The following RAPGEF5 variants were observed in gnomAD, a reference collection of about 807,000 sequenced individuals.
RAPGEF5 encodes M-Ras-regulated GEF.
RAPGEF5 carries 65 observed loss-of-function variants against 125.2 expected under a neutral mutation model. The ratio of observed to expected loss-of-function variants is 0.52; its 90% confidence interval spans 0.43 to 0.64. The LOEUF (loss-of-function observed/expected upper bound fraction) is 0.64, where lower values mean the gene tolerates loss of function less well. Among genes scored for constraint, RAPGEF5 ranks in the 30% least tolerant of loss-of-function variants. RAPGEF5 has a pLI of 0.00. For missense variants in RAPGEF5, 958 were observed against 1,048.1 expected (o/e 0.91, Z 1.19); for synonymous variants, 391 against 385.9 (o/e 1.01, Z -0.16).
chr7:22,136,206 A>G, intron 22 of RAPGEF5, 81 bp from the exon 23 acceptor site: 1 of 1,049,694 alleles, frequency 9.5e-7, no homozygotes, highest in Non-Finnish European at 1.4e-6. Context: ...TTGCTACACA[A>G]TTTGAACATA....
Position 22,200,199 on chromosome 7 carries a change from T to C in RAPGEF5, c.997-6166A>G, listed in dbSNP as rs77043461. Reference sequence around the variant, plus strand: ...GGGTACAGCAGAATTATAAGACTTATCTGAAAAAAAAAATCTCCTCTGGCC... The same window carrying C: ...GGGTACAGCAGAATTATAAGACTTACCTGAAAAAAAAAATCTCCTCTGGCC... On this transcript the variant is annotated intron_variant, in intron 9 of 25. Transcript: ENST00000665637. 8.0e-4 allele frequency among the ~76,000 whole-genome samples: 122 copies of C among 151,704 alleles called. 2 individuals are homozygous for C. In the East Asian group the frequency reaches 0.023, roughly 28 times the overall value.
rs1022892360 is a variant in RAPGEF5, at chr7:22,166,961, C to T, written c.1283+109G>A. 141 of 835,634 alleles carry T rather than the reference C, an allele frequency of 1.7e-4. No individual in the cohort carries two copies. In the African/African-American group the frequency reaches 2.1e-3, roughly 12 times the overall value. The allele number at this position is 835,634 out of a possible 1,614,324, so 51.8% of individuals were successfully genotyped here. ...ATCATTACATTAATATTTAACATATCCACATTCTACTATGGGGTTGAATAA... is the reference window on the plus strand; with the variant it reads ...ATCATTACATTAATATTTAACATATTCACATTCTACTATGGGGTTGAATAA... On this transcript the variant is annotated intron_variant, in intron 12 of 25. Transcript: ENST00000665637.
chr7:22,160,058 G>A (rs375346417), intron 14 of RAPGEF5, among the ~76,000 whole-genome samples: 2 of 152,140 alleles, frequency 1.3e-5, no homozygotes, highest in East Asian at 1.9e-4. Flanking sequence ...GCAGTGAGCC[G>A]AGATTGCGCT....
intron 9 of RAPGEF5, among the ~76,000 whole-genome samples, chr7:22,197,893 T>TTGG (rs139871450): frequency 4.3e-5 from 5 of 116,352 alleles, no homozygotes; most frequent in Admixed American, 8.5e-5. Context: ...TCTTTTTTTT[T>TTGG]GGGGGGGGGT....
At chr7:22,346,766 C>T (rs1464772940) in intron 1 of RAPGEF5, among the ~76,000 whole-genome samples, 1 of 152,146 alleles carries the variant, frequency 6.6e-6, no homozygotes, top group African/African-American at 2.4e-5. Context: ...AGAATTGTAA[C>T]TTTAGTAAAG....
chr7:22,345,579 T>C (rs1394394625), intron 1 of RAPGEF5, among the ~76,000 whole-genome samples: 1 of 152,126 alleles, frequency 6.6e-6, no homozygotes, highest in Non-Finnish European at 1.5e-5. Flanking sequence ...GAAAGCGCTT[T>C]GTGAAGGTAA....
At chr7:22,317,514 A>G (rs929901518) in intron 2 of RAPGEF5, among the ~76,000 whole-genome samples, 3 of 152,132 alleles carry the variant, frequency 2.0e-5, no homozygotes, top group African/African-American at 7.2e-5. Flanking sequence ...TGCAGGGATT[A>G]CAGGCGTGAG....
Position 22,136,075 on chromosome 7 carries a change from C to T in RAPGEF5, c.2379G>A (p.Lys793=). The T allele has an allele frequency of 1.2e-6, 2 of 1,612,564 alleles. No individual in the cohort carries two copies. Among genetic ancestry groups the T allele is most frequent in the African/African-American group, 1.3e-5 (1 of 74,956 alleles). The change falls in exon 23 of 26, where the codon AAG becomes AAA. Residue 793 remains lysine (K), a synonymous_variant. Coordinates refer to ENST00000665637, the MANE Select transcript of RAPGEF5 (RefSeq NM_012294.5). ...KAYRDAFKKM[K]PPKIPFMPLL... is the part of the protein sequence containing the mutation. ...AGGGCATGAAAGGGATTTTTGGTGG[C>T]TTCATCTTTTTGAATGCATCTCTGT...
At position 22,173,451 on chromosome 7, in the gene RAPGEF5, T is replaced by C. The variant is rs73079692; in HGVS notation, c.1205-6303A>G. 9.6e-3 allele frequency among the ~76,000 whole-genome samples: 1,455 copies of C among 152,344 alleles called. 10 individuals carry two copies. The highest frequency in any genetic ancestry group is 0.015 in the Non-Finnish European group (1,040 of 68,028). ...ATAACCAAATCTTGAGATCTAGCTT[T>C]ATTTTTAGGTATTTGTGGCAGAAAA... is the stretch of plus-strand genomic sequence containing the variant. On this transcript the variant is annotated intron_variant, in intron 11 of 25. Coordinates refer to ENST00000665637, the MANE Select transcript of RAPGEF5 (RefSeq NM_012294.5).
chr7:22,301,814 T>A (rs1403535528), intron 5 of RAPGEF5, among the ~76,000 whole-genome samples: 1 of 152,156 alleles, frequency 6.6e-6, no homozygotes, highest in Non-Finnish European at 1.5e-5. Flanking sequence ...AATTTAGAAA[T>A]GAACTGTATG....
intron 11 of RAPGEF5, among the ~76,000 whole-genome samples, chr7:22,176,514 G>T (rs949166659): frequency 6.6e-6 from 1 of 152,030 alleles, no homozygotes; most frequent in East Asian, 1.9e-4. Context: ...CACAATTAAG[G>T]CTTTTTGTTT....
rs1157998194 is a variant in RAPGEF5, at chr7:22,315,318, G to T, written c.389+52C>A. ...AAGGTTACAATTTTAACACAGGGTG[G>T]TTTTTTTTCCTCAAAGAGAATTTCT... On this transcript the variant is annotated intron_variant, in intron 3 of 25. Transcript: ENST00000665637. The T allele has an allele frequency of 2.3e-5, 35 of 1,515,244 alleles. No homozygotes were observed. In the South Asian group the frequency reaches 3.2e-4, roughly 14 times the overall value. 93.9% of individuals were successfully genotyped at this position (1,515,244 alleles called of 1,614,324 possible).
intron 11 of RAPGEF5, among the ~76,000 whole-genome samples, chr7:22,168,151 C>T (rs1360390095): frequency 6.6e-6 from 1 of 152,096 alleles, no homozygotes; most frequent in Non-Finnish European, 1.5e-5. Flanking sequence ...CCACCCCTGC[C>T]ACTTTATATG....
intron 6 of RAPGEF5, among the ~76,000 whole-genome samples, chr7:22,284,232 G>T (rs1782745517): frequency 6.6e-6 from 1 of 152,090 alleles, no homozygotes; most frequent in Non-Finnish European, 1.5e-5. Flanking sequence ...GGTATTGACA[G>T]GTATAGGTTT....
rs1188110376 is a variant in RAPGEF5 at position 22,302,083 on chromosome 7, GT to G, written c.680+6255del. 5.3e-5 allele frequency among the ~76,000 whole-genome samples: 8 copies of G among 152,314 alleles called. No homozygotes were observed. In the East Asian group the frequency reaches 1.4e-3, roughly 26 times the overall value. On this transcript the variant is annotated intron_variant, in intron 5 of 25. Transcript: ENST00000665637. ...CTCCACAGAGTGCTGGTGACAAGTG[GT>G]TGTCTTTTCCCAGACCCTCTGCTCC...
In RAPGEF5 at chr7:22,279,674, G is replaced by A. The variant is rs1390533793; in HGVS notation, c.747+11501C>T. ...CCCTTCACCCACTTCAAGGAATTAT[G>A]AGGGAGACTTGAAGATTATTCAGGA... On this transcript the variant is annotated intron_variant, in intron 6 of 25. Coordinates refer to ENST00000665637, the MANE Select transcript of RAPGEF5 (RefSeq NM_012294.5). Among the ~76,000 whole-genome samples, 3 of 152,214 alleles carry A rather than the reference G, an allele frequency of 2.0e-5. No homozygotes were observed. In the East Asian group the frequency reaches 5.8e-4, roughly 29 times the overall value.
At chr7:22,305,079 A>G (rs572672521) in intron 5 of RAPGEF5, among the ~76,000 whole-genome samples, 1 of 152,338 alleles carries the variant, frequency 6.6e-6, no homozygotes, top group East Asian at 1.9e-4. Context: ...CAGGTGTTAA[A>G]AGCACAGTCA....
At chr7:22,316,475 ATATATATATATATATTT>A (rs1410164655) in intron 2 of RAPGEF5, among the ~76,000 whole-genome samples, 5 of 54,502 alleles carry the variant, frequency 9.2e-5, no homozygotes, top group African/African-American at 4.3e-4. Context: ...ATATATATAT[ATATATATATATATATTT>A]TTTTTTTTTT....
intron 5 of RAPGEF5, among the ~76,000 whole-genome samples, chr7:22,303,881 G>T (rs1352014257): frequency 6.6e-6 from 1 of 152,218 alleles, no homozygotes; most frequent in Non-Finnish European, 1.5e-5. Context: ...CCCCTTGAGG[G>T]CTGGGTAGAA....
Sources: allele counts gnomAD v4.1 joint callset (sites outside exome capture counted in the v4.1 genomes callset), GRCh38; gene constraint gnomAD v4.1.1; transcripts MANE v1.5; gene names NCBI Gene and HGNC (gene_info 2026-07-23, HGNC 2026-07-21).